SPIDR: variants seen among roughly 807,000 people sequenced by gnomAD.
SPIDR encodes DNA repair-scaffolding protein.
In SPIDR, 93 loss-of-function variants were observed where a neutral mutation model predicts 104.6. The observed-to-expected ratio is 0.89, with a 90% CI of 0.75 to 1.06. SPIDR has a LOEUF of 1.06. Among genes scored for constraint, SPIDR ranks in the 50% least tolerant of loss-of-function variants. The pLI is 0.00. For synonymous variants in SPIDR, 431 were observed against 416.9 expected, an observed-to-expected ratio of 1.03 and a Z score of -0.41; for missense variants, 1,154 against 1,111.2, an observed-to-expected ratio of 1.04 and a Z score of -0.55.
intron 10 of SPIDR, among the ~76,000 whole-genome samples, chr8:47,668,706 G>C (rs1589020916): frequency 6.6e-6 from 1 of 152,196 alleles, no homozygotes; most frequent in Middle Eastern, 3.4e-3. Flanking sequence ...AGCAAAATTG[G>C]AATTATGAAA....
chr8:47,595,481 G>A (rs1323457188), intron 8 of SPIDR, among the ~76,000 whole-genome samples: 3 of 66,062 alleles, frequency 4.5e-5, no homozygotes, highest in Non-Finnish European at 8.5e-5. Flanking sequence ...CATTGTTTGG[G>A]CACTTTTTTG....
At chr8:47,269,592 A>G (rs1448648229) in intron 1 of SPIDR, among the ~76,000 whole-genome samples, 3 of 152,032 alleles carry the variant, frequency 2.0e-5, no homozygotes, top group Non-Finnish European at 4.4e-5. Context: ...AAAAGAAAGA[A>G]AACAAAATAC....
At chr8:47,490,306 T>G (rs2078467022) in intron 8 of SPIDR, among the ~76,000 whole-genome samples, 1 of 152,202 alleles carries the variant, frequency 6.6e-6, no homozygotes, top group South Asian at 2.1e-4. Flanking sequence ...AGATACCATG[T>G]CACACCAGTT....
intron 5 of SPIDR, among the ~76,000 whole-genome samples, chr8:47,321,446 G>T (rs890984930): frequency 1.3e-5 from 2 of 152,080 alleles, no homozygotes; most frequent in Non-Finnish European, 2.9e-5. Flanking sequence ...AATAAAAGAG[G>T]ATACAAACAA....
At position 47,735,620 on chromosome 8, in the gene SPIDR, TAA is replaced by T; in HGVS notation, c.*172_*173del. 2 of 1,280,002 alleles carry T rather than the reference TAA, an allele frequency of 1.6e-6. No individual in the cohort carries two copies. Among genetic ancestry groups the T allele is most frequent in the Non-Finnish European group, 2.1e-6 (2 of 949,644 alleles). 79.3% of individuals were successfully genotyped at this position (1,280,002 alleles called of 1,614,324 possible). A position where few individuals can be genotyped will look rare whatever the true frequency, so the allele number is the denominator to read the frequency against. ...TGTTCAGATACAGTTTTGTGAACTG[TAA>T]ATCAAAATACCTTTTTCTACAGTTT... is the stretch of plus-strand genomic sequence containing the variant. On this transcript the variant is annotated 3_prime_UTR_variant, in exon 20 of 20. Transcript: ENST00000297423.
chr8:47,581,351 A>G (rs2059676107), intron 8 of SPIDR, among the ~76,000 whole-genome samples: 1 of 152,210 alleles, frequency 6.6e-6, no homozygotes, highest in South Asian at 2.1e-4. Flanking sequence ...TTGAAAAATA[A>G]TGTTTTCCTA....
chr8:47,498,023 C>T (rs566764869), intron 8 of SPIDR, among the ~76,000 whole-genome samples: 22 of 152,206 alleles, frequency 1.4e-4, no homozygotes, highest in Non-Finnish European at 2.4e-4. Context: ...CAAAGAGGAG[C>T]GGGTAAGCAA....
intron 8 of SPIDR, among the ~76,000 whole-genome samples, chr8:47,501,270 C>T (rs566324533): frequency 3.9e-4 from 59 of 152,150 alleles, no homozygotes; most frequent in Non-Finnish European, 7.1e-4. Context: ...TCTTCCTATC[C>T]ATGAGCATGG....
At chr8:47,398,242 C>A (rs868967148) in intron 6 of SPIDR, among the ~76,000 whole-genome samples, 3 of 152,176 alleles carry the variant, frequency 2.0e-5, no homozygotes, top group Non-Finnish European at 2.9e-5. Flanking sequence ...CATGCGATTA[C>A]AGAAAGTCAT....
At chr8:47,273,326 TTTTTATA>T (rs1586146867) in intron 1 of SPIDR, among the ~76,000 whole-genome samples, 1 of 152,354 alleles carries the variant, frequency 6.6e-6, no homozygotes, top group East Asian at 1.9e-4. Flanking sequence ...CTTTACTGAT[TTTTTATA>T]AAGGTATTCA....
Position 47,283,918 on chromosome 8 carries a change from A to G in SPIDR, c.190-110A>G. On this transcript the variant is annotated intron_variant, in intron 2 of 19. Coordinates refer to ENST00000297423, the MANE Select transcript of SPIDR (RefSeq NM_001080394.4). ...TGAAATTGGTGAATTGGTAAAGGAA[A>G]TCAGAGAAGAATATGTTAAGGAGAG... 6 of 719,642 alleles carry G rather than the reference A, an allele frequency of 8.3e-6. No individual in the cohort carries two copies. The South Asian group carries it at 1.1e-4, about 13-fold the overall frequency. The allele number at this position is 719,642 out of a possible 1,614,324, so 44.6% of individuals were successfully genotyped here.
intron 8 of SPIDR, among the ~76,000 whole-genome samples, chr8:47,502,828 T>C (rs1002049003): frequency 1.3e-5 from 2 of 152,360 alleles, no homozygotes; most frequent in African/African-American, 2.4e-5. Flanking sequence ...GAGATTCTGG[T>C]ATGTTGTGTC....
intron 5 of SPIDR, among the ~76,000 whole-genome samples, chr8:47,391,772 G>A (rs954769126): frequency 9.2e-5 from 14 of 151,934 alleles, no homozygotes; most frequent in South Asian, 2.1e-4. Context: ...CAAGGCGGGC[G>A]GATCACGAGG....
chr8:47,321,562 A>T (rs559305547), intron 5 of SPIDR, among the ~76,000 whole-genome samples: 1 of 152,212 alleles, frequency 6.6e-6, no homozygotes, highest in Non-Finnish European at 1.5e-5. Context: ...TCAAGCTACC[A>T]ATGACTTTCT....
intron 8 of SPIDR, among the ~76,000 whole-genome samples, chr8:47,540,963 G>A (rs546509379): frequency 2.0e-5 from 3 of 152,216 alleles, no homozygotes; most frequent in East Asian, 3.9e-4. Flanking sequence ...AGGTTCATGC[G>A]ATTTTCCTGC....
intron 5 of SPIDR, among the ~76,000 whole-genome samples, chr8:47,363,512 A>T (rs1386400010): frequency 6.6e-6 from 1 of 151,806 alleles, no homozygotes; most frequent in Non-Finnish European, 1.5e-5. Context: ...AAAAAAAAAA[A>T]AAAAAATTAG....
intron 10 of SPIDR, among the ~76,000 whole-genome samples, chr8:47,613,391 A>C (rs1257476412): frequency 6.6e-6 from 1 of 152,208 alleles, no homozygotes; most frequent in African/African-American, 2.4e-5. Flanking sequence ...TTATGCATTT[A>C]TCAGTTTATG....
At chr8:47,453,833 C>A (rs1310392535) in intron 8 of SPIDR, among the ~76,000 whole-genome samples, 1 of 152,138 alleles carries the variant, frequency 6.6e-6, no homozygotes, top group Non-Finnish European at 1.5e-5. Flanking sequence ...TGAACAGACA[C>A]TTCTCAAAGG....
intron 6 of SPIDR, among the ~76,000 whole-genome samples, chr8:47,400,908 C>T (rs2061795274): frequency 6.6e-6 from 1 of 152,174 alleles, no homozygotes; most frequent in Admixed American, 6.5e-5. Flanking sequence ...TTGGAAAACA[C>T]TCTTCAGGAT....
Sources: allele counts gnomAD v4.1 joint callset (sites outside exome capture counted in the v4.1 genomes callset), GRCh38; gene constraint gnomAD v4.1.1; transcripts MANE v1.5; gene names NCBI Gene and HGNC (gene_info 2026-07-23, HGNC 2026-07-21).